Variants in STAU2 observed in about 807,000 individuals in gnomAD.
The protein encoded by STAU2 is double-stranded RNA-binding protein Staufen homolog 2.
STAU2 carries 20 observed loss-of-function variants against 65.9 expected under a neutral mutation model. That is an observed-to-expected ratio of 0.30 (90% CI 0.21 to 0.44). STAU2 has a LOEUF of 0.44. Ranked by LOEUF, STAU2 falls within the 20% of genes least tolerant of loss-of-function variation. STAU2 has a pLI of 1.00. For missense variants in STAU2, 558 were observed against 683.9 expected (o/e 0.82, Z 2.05); for synonymous variants, 232 against 233.9 (o/e 0.99, Z 0.07).
intron 13 of STAU2, chr8:73,527,252 T>C (rs1446337667): frequency 6.4e-6 from 1 of 157,314 alleles, no homozygotes; most frequent in Non-Finnish European, 1.4e-5. Context: ...AATCACCTGA[T>C]GATGCATTTC....
intron 6 of STAU2, among the ~76,000 whole-genome samples, chr8:73,639,648 G>A (rs189896798): frequency 2.0e-5 from 3 of 152,176 alleles, no homozygotes; most frequent in Non-Finnish European, 1.5e-5. Flanking sequence ...GTTTAGCACC[G>A]TAGAGGCTCC....
At chr8:73,462,861 C>T (rs752890025) in intron 13 of STAU2, among the ~76,000 whole-genome samples, 2 of 151,966 alleles carry the variant, frequency 1.3e-5, no homozygotes, top group Non-Finnish European at 2.9e-5. Context: ...TCTTTGAGTG[C>T]CTTTAGAGTA....
At chr8:73,742,647 A>T (rs1295616356) in intron 1 of STAU2, among the ~76,000 whole-genome samples, 1 of 151,952 alleles carries the variant, frequency 6.6e-6, no homozygotes, top group Non-Finnish European at 1.5e-5. Flanking sequence ...CGTCCCAAAA[A>T]TGCCCTATCT....
At chr8:73,578,624 A>G (rs1375635536) in intron 12 of STAU2, among the ~76,000 whole-genome samples, 1 of 152,206 alleles carries the variant, frequency 6.6e-6, no homozygotes, top group Non-Finnish European at 1.5e-5. Flanking sequence ...TGCTTCAGAT[A>G]GCCCTCTATT....
chr8:73,642,703 T>A (rs779938062), intron 6 of STAU2, among the ~76,000 whole-genome samples: 2 of 151,850 alleles, frequency 1.3e-5, no homozygotes, highest in Non-Finnish European at 2.9e-5. Flanking sequence ...CTAGACGGCA[T>A]AGAGAAAAAA....
intron 3 of STAU2, chr8:73,728,049 T>C (rs2130737256): frequency 6.6e-6 from 1 of 152,318 alleles, no homozygotes; most frequent in South Asian, 2.1e-4. Flanking sequence ...AGTTGAGCTT[T>C]TTTTTGCTGT....
intron 2 of STAU2, among the ~76,000 whole-genome samples, chr8:73,738,866 G>A (rs956716239): frequency 6.6e-6 from 1 of 152,168 alleles, no homozygotes; most frequent in African/African-American, 2.4e-5. Context: ...GTATGGAAAA[G>A]AGCATATAGT....
chr8:73,691,136 T>TA (rs1819298429), intron 4 of STAU2, among the ~76,000 whole-genome samples: 1 of 152,180 alleles, frequency 6.6e-6, no homozygotes, highest in Non-Finnish European at 1.5e-5. Context: ...TGACCTCTCC[T>TA]AAACAACAAT....
chr8:73,715,942 T>C (rs1349270100), intron 3 of STAU2, among the ~76,000 whole-genome samples: 1 of 151,858 alleles, frequency 6.6e-6, no homozygotes, highest in African/African-American at 2.4e-5. Flanking sequence ...TGAGACGGAG[T>C]CTCACTCTGT....
chr8:73,571,147 G>A (rs187316794), intron 12 of STAU2, among the ~76,000 whole-genome samples: 5,309 of 152,258 alleles, frequency 0.035, 304 homozygotes, highest in Admixed American at 0.14. Context: ...AAGAGACAAA[G>A]AAGGCCATTA....
At chr8:73,621,184 A>G (rs924813977) in intron 6 of STAU2, among the ~76,000 whole-genome samples, 4 of 152,118 alleles carry the variant, frequency 2.6e-5, no homozygotes, top group African/African-American at 9.6e-5. Flanking sequence ...CGTGGGAGGG[A>G]CCTGGTTGGA....
At chr8:73,462,785 T>A (rs1454242968) in intron 13 of STAU2, among the ~76,000 whole-genome samples, 1 of 152,136 alleles carries the variant, frequency 6.6e-6, no homozygotes, top group Non-Finnish European at 1.5e-5. Flanking sequence ...TATATTGTGA[T>A]ATGCCAAAAT....
chr8:73,734,929 G>C (rs568752289), intron 3 of STAU2, among the ~76,000 whole-genome samples: 1 of 152,148 alleles, frequency 6.6e-6, no homozygotes, highest in African/African-American at 2.4e-5. Flanking sequence ...TTCAAGCTGA[G>C]AATCAACTTA....
At chr8:73,495,685 A>ATATATATATATATATATG (rs1199482749) in intron 13 of STAU2, among the ~76,000 whole-genome samples, 3 of 147,620 alleles carry the variant, frequency 2.0e-5, no homozygotes, top group South Asian at 2.1e-4. Context: ...ATATATATAT[A>ATATATATATATATATATG]TATGTATAGT....
At chr8:73,469,848 C>T (rs563573255) in intron 13 of STAU2, among the ~76,000 whole-genome samples, 1 of 152,202 alleles carries the variant, frequency 6.6e-6, no homozygotes, top group East Asian at 1.9e-4. Flanking sequence ...TATGGGAAAC[C>T]GCTGAGCAGA....
chr8:73,437,581 G>C (rs943989252), intron 13 of STAU2, among the ~76,000 whole-genome samples: 2 of 152,222 alleles, frequency 1.3e-5, no homozygotes, highest in African/African-American at 4.8e-5. Context: ...ACACATTGCT[G>C]TTGGTTTAAA....
intron 13 of STAU2, among the ~76,000 whole-genome samples, chr8:73,459,659 C>T (rs796479411): frequency 3.9e-5 from 6 of 152,232 alleles, no homozygotes; most frequent in African/African-American, 1.4e-4. Flanking sequence ...CAAAACCCAA[C>T]CTCAAGCTCA....
chr8:73,444,171 C>A (rs1818341487), intron 13 of STAU2, among the ~76,000 whole-genome samples: 1 of 152,154 alleles, frequency 6.6e-6, no homozygotes, highest in Non-Finnish European at 1.5e-5. Context: ...CTTTGGAAGG[C>A]CGAGGCGGGC....
At chr8:73,483,897 AGTG>A (rs1820776643) in intron 13 of STAU2, among the ~76,000 whole-genome samples, 1 of 152,148 alleles carries the variant, frequency 6.6e-6, no homozygotes, top group Non-Finnish European at 1.5e-5. Flanking sequence ...CTTTGACTGA[AGTG>A]GTGTTTACAG....
Sources: gnomAD v4.1 joint callset for allele counts (sites outside exome capture counted in the v4.1 genomes callset) on GRCh38, gnomAD v4.1.1 for gene constraint, MANE v1.5 for transcripts, NCBI Gene and HGNC (gene_info 2026-07-23, HGNC 2026-07-21) for gene names.